The following DCTN1 variants were observed in gnomAD, a reference collection of about 807,000 sequenced individuals.
DCTN1 encodes 150 kDa dynein-associated polypeptide.
Under a neutral mutation model 161.2 loss-of-function variants are expected in DCTN1, and 61 were observed. The ratio of observed to expected loss-of-function variants is 0.38; its 90% confidence interval spans 0.31 to 0.47. The LOEUF is 0.47. Ranked by LOEUF, DCTN1 falls within the 20% of genes least tolerant of loss-of-function variation. The pLI is 0.99. For synonymous variants in DCTN1, 653 were observed against 632.4 expected (o/e 1.03, Z -0.49); for missense variants, 1,404 against 1,623.7 (o/e 0.86, Z 2.33).
chr2:74,387,212 T>C (rs11893165), intron 1 of DCTN1, among the ~76,000 whole-genome samples: 3,835 of 152,274 alleles, frequency 0.025, 167 homozygotes, highest in African/African-American at 0.087. Flanking sequence ...CAACTGAGAT[T>C]GTCAATCCTT....
At chr2:74,379,976 C>A in intron 1 of DCTN1, 29 bp downstream of exon 1, 2 of 1,613,074 alleles carry the variant, frequency 1.2e-6, no homozygotes, top group African/African-American at 1.3e-5. Flanking sequence ...AGCAGCCCTC[C>A]AGGGCCATCC....
chr2:74,368,297 T>TA, intron 16 of DCTN1, 166 bp from the exon 17 acceptor site: 1 of 890,606 alleles, frequency 1.1e-6, no homozygotes, highest in South Asian at 1.6e-5. Flanking sequence ...GGGGAAAGGG[T>TA]AGTGATGTGA....
intron 1 of DCTN1, 28 bp from the exon 2 acceptor site, chr2:74,378,273 T>C: frequency 6.2e-7 from 1 of 1,601,372 alleles, no homozygotes. Context: ...ACACAGACAG[T>C]TAGAGGCCTC....
rs551100863 is a variant in DCTN1 at position 74,372,374 on chromosome 2, A to G, written c.453+554T>C. ...AAACAACTCTTCGTCATCTCCCCCG[A>G]TCTGGCAACACTATCCATGCCCCTG... On this transcript the variant is annotated intron_variant, in intron 7 of 31. Transcript: ENST00000628224. Among the ~76,000 whole-genome samples, 25 of 152,278 alleles carry G rather than the reference A, an allele frequency of 1.6e-4. 1 individual carries two copies. Among genetic ancestry groups the G allele is most frequent in the African/African-American group, 6.0e-4 (25 of 41,560 alleles).
upstream of DCTN1, among the ~76,000 whole-genome samples, chr2:74,382,767 TG>T (rs2103749430): frequency 6.6e-6 from 1 of 152,188 alleles, no homozygotes; most frequent in Admixed American, 6.5e-5. Flanking sequence ...CCTTGAATTA[TG>T]GGAATTTTAA....
chr2:74,379,938 G>C (rs1675434146), intron 1 of DCTN1, 67 bp downstream of exon 1: 2 of 1,514,992 alleles, frequency 1.3e-6, no homozygotes, highest in South Asian at 1.1e-5. Flanking sequence ...CCACAGCAAT[G>C]ATGTCCACAG....
In DCTN1 at chr2:74,367,808, T is replaced by G; in HGVS notation, c.2072A>C (p.Glu691Ala). The G allele has an allele frequency of 6.2e-7, 1 of 1,614,180 alleles. No homozygotes were observed. The highest frequency in any genetic ancestry group is 8.5e-7 in the Non-Finnish European group (1 of 1,180,034). ...CAAGGAGCGCTCATGGGCACTCATCTCAGGGTACAGGCTGCCCACTTTCTT... is the reference window on the plus strand; with the variant it reads ...CAAGGAGCGCTCATGGGCACTCATCGCAGGGTACAGGCTGCCCACTTTCTT... Reference protein sequence around the residue: ...VYKKVGSLYPEMSAHERSLDF... With the variant: ...VYKKVGSLYPAMSAHERSLDF... Residue 691 changes from glutamate to alanine, a missense_variant, in exon 18 of 32, where the codon GAG (glutamate) becomes GCG (alanine). Around this residue, in one of 9 missense-constraint regions of DCTN1, gnomAD observed 475 missense variants for 489.8 expected, o/e 0.97. Coordinates refer to ENST00000628224, the MANE Select transcript of DCTN1 (RefSeq NM_004082.5).
chr2:74,367,553 C>CT, intron 18 of DCTN1, 133 bp from the exon 19 acceptor site: 16 of 1,474,222 alleles, frequency 1.1e-5, no homozygotes, highest in Non-Finnish European at 1.3e-5. Context: ...CAAGCAGCTG[C>CT]ATCATATGGA....
At position 74,370,846 on chromosome 2, in the gene DCTN1, G is replaced by A; in HGVS notation, c.844-21C>T. The A allele has an allele frequency of 1.2e-6, 2 of 1,614,046 alleles. No individual in the cohort carries two copies. Among genetic ancestry groups the A allele is most frequent in the Non-Finnish European group, 1.7e-6 (2 of 1,179,938 alleles). ...GCTTCCTGAGGAAGAAGTGGAGGTGGGAGGGGGTACCAGCACAGAGATGCC... is the reference window on the plus strand; with the variant it reads ...GCTTCCTGAGGAAGAAGTGGAGGTGAGAGGGGGTACCAGCACAGAGATGCC... On this transcript the variant is annotated intron_variant, in intron 9 of 31. Transcript: ENST00000628224. The surrounding 1 kb of genome is among the most constrained non-coding windows in gnomAD (Gnocchi z 4.4).
intron 7 of DCTN1, 37 bp from the exon 8 acceptor site, chr2:74,371,765 C>T (rs1375976564): frequency 7.1e-6 from 11 of 1,543,368 alleles, no homozygotes; most frequent in South Asian, 1.2e-5. Context: ...AGAAAGAAAG[C>T]AGAGGATAGG....
In DCTN1 at chr2:74,374,629, T is replaced by C. The variant is rs1041818440; in HGVS notation, c.415-289A>G. On this transcript the variant is annotated intron_variant, in intron 5 of 31. Transcript: ENST00000628224. ...CTCCGGCAGGCACCGGAGCGGTGCC[T>C]GGCCCAGTTCACCAGCTTAGGCTGA... is the stretch of plus-strand genomic sequence containing the variant. 34 of 1,234,536 alleles carry C rather than the reference T, an allele frequency of 2.8e-5. No individual in the cohort carries two copies. In the South Asian group the frequency reaches 3.9e-4, roughly 14 times the overall value. The allele number at this position is 1,234,536 out of a possible 1,614,324, so 76.5% of individuals were successfully genotyped here.
intron 8 of DCTN1, 138 bp downstream of exon 8, chr2:74,371,399 A>T: frequency 1.6e-6 from 2 of 1,244,972 alleles, no homozygotes; most frequent in Non-Finnish European, 2.2e-6. Flanking sequence ...CAGTAGCAAG[A>T]TATCCATAGG....
At chr2:74,363,522 A>C in intron 27 of DCTN1, 92 bp downstream of exon 27, 1 of 1,595,456 alleles carries the variant, frequency 6.3e-7, no homozygotes, top group Non-Finnish European at 8.5e-7. Context: ...TCCCCCCATC[A>C]CCCATCTCCA....
At position 74,365,059 on chromosome 2, in the gene DCTN1, A is replaced by C. The variant is rs773177686; in HGVS notation, c.3196+16T>G. ...AATCTCCTCTGTGCTAGTGCTGCCTATTCCACAGTACTCACCACCAGCAAT... is the reference window on the plus strand; with the variant it reads ...AATCTCCTCTGTGCTAGTGCTGCCTCTTCCACAGTACTCACCACCAGCAAT... On this transcript the variant is annotated intron_variant, in intron 26 of 31. Transcript: ENST00000628224. 6.2e-7 allele frequency: 1 copy of C among 1,614,028 alleles called. No individual in the cohort carries two copies. Among genetic ancestry groups the C allele is most frequent in the Non-Finnish European group, 8.5e-7 (1 of 1,179,974 alleles).
rs767506146 is a variant in DCTN1 at position 74,370,013 on chromosome 2, C to T, written c.1344G>A (p.Leu448=). The change falls in exon 13 of 32, where the codon CTG becomes CTA. Residue 448 remains leucine (L), a synonymous_variant. Coordinates refer to ENST00000628224, the MANE Select transcript of DCTN1 (RefSeq NM_004082.5). The surrounding 1 kb of genome is among the most constrained non-coding windows in gnomAD (Gnocchi z 4.4). ...ACTCGCGCACTTTCTCTTCCAGATT[C>T]AGGTTCCGATCTGTCAGCATCTCCA... The part of the protein sequence containing the change: ...EMVEMLTDRN[L]NLEEKVRELR... 3.7e-6 allele frequency: 6 copies of T among 1,614,174 alleles called. No homozygotes were observed. In the East Asian group the frequency reaches 1.1e-4, roughly 30 times the overall value.
chr2:74,363,231 T>C, intron 28 of DCTN1, 54 bp from the exon 29 acceptor site: 3 of 1,614,054 alleles, frequency 1.9e-6, no homozygotes. Context: ...GCCCCTGTCA[T>C]CTATCATCAA....
At chr2:74,374,251 C>T (rs781458474) in intron 6 of DCTN1, 72 bp downstream of exon 6, 5 of 1,492,182 alleles carry the variant, frequency 3.4e-6, no homozygotes, top group South Asian at 1.1e-5. Flanking sequence ...TCAGCCCCCA[C>T]CCCCACCCCA....
intron 1 of DCTN1, chr2:74,391,023 T>C (rs1032554542): frequency 6.6e-6 from 1 of 152,558 alleles, no homozygotes; most frequent in East Asian, 1.9e-4. Flanking sequence ...TAGTAAAGTT[T>C]AACCACGAAT....
chr2:74,381,807 G>A (rs1455235203), upstream of DCTN1, among the ~76,000 whole-genome samples: 5 of 152,308 alleles, frequency 3.3e-5, no homozygotes, highest in South Asian at 2.1e-4. Context: ...GAGAGGTATC[G>A]TGAGGATTAG....
Sources: allele counts gnomAD v4.1 joint callset (sites outside exome capture counted in the v4.1 genomes callset), GRCh38; gene constraint gnomAD v4.1.1; regional missense constraint gnomAD v4.1.1; non-coding constraint Gnocchi (gnomAD v3.1); transcripts MANE v1.5; gene names NCBI Gene and HGNC (gene_info 2026-07-23, HGNC 2026-07-21).